BMP6: variants seen among roughly 807,000 people sequenced by gnomAD.
BMP6 encodes the protein VG-1-R.
In BMP6, 17 loss-of-function variants were observed where a neutral mutation model predicts 54.1. That is an observed-to-expected ratio of 0.31 (90% CI 0.22 to 0.47). BMP6 has a LOEUF of 0.47. BMP6 is among the 20% of genes least tolerant of loss of function. The pLI is 1.00. For synonymous variants in BMP6, 328 were observed against 291.2 expected, an observed-to-expected ratio of 1.13 and a Z score of -1.28; for missense variants, 720 against 690.4, an observed-to-expected ratio of 1.04 and a Z score of -0.48.
intron 1 of BMP6, among the ~76,000 whole-genome samples, chr6:7,837,523 C>G (rs1398077664): frequency 6.6e-6 from 1 of 152,154 alleles, no homozygotes; most frequent in African/African-American, 2.4e-5. Flanking sequence ...GACCATTATT[C>G]TAAGTGAAGT....
chr6:7,752,473 T>C (rs1431772992), intron 1 of BMP6, among the ~76,000 whole-genome samples: 1 of 152,222 alleles, frequency 6.6e-6, no homozygotes, highest in Non-Finnish European at 1.5e-5. Context: ...ATCAAAGTTT[T>C]TAAAGTCCTA....
chr6:7,830,429 G>A (rs1049950774), intron 1 of BMP6, among the ~76,000 whole-genome samples: 2 of 152,116 alleles, frequency 1.3e-5, no homozygotes, highest in Non-Finnish European at 2.9e-5. Flanking sequence ...CTGCTCAGAG[G>A]TCCTACATAG....
At chr6:7,858,228 A>G (rs2113272562) in intron 2 of BMP6, among the ~76,000 whole-genome samples, 1 of 152,230 alleles carries the variant, frequency 6.6e-6, no homozygotes, top group Non-Finnish European at 1.5e-5. Flanking sequence ...GGACTACAGG[A>G]GTACACTATC....
At chr6:7,791,429 G>T (rs1758105381) in intron 1 of BMP6, among the ~76,000 whole-genome samples, 1 of 152,024 alleles carries the variant, frequency 6.6e-6, no homozygotes, top group Non-Finnish European at 1.5e-5. Flanking sequence ...CCCTATCTCT[G>T]TCTGTCACCT....
At chr6:7,876,136 G>T (rs1456029584) in intron 4 of BMP6, among the ~76,000 whole-genome samples, 1 of 152,182 alleles carries the variant, frequency 6.6e-6, no homozygotes, top group East Asian at 1.9e-4. Context: ...GGTAGCAAAA[G>T]CAGTAAATAT....
intron 1 of BMP6, among the ~76,000 whole-genome samples, chr6:7,769,735 A>G (rs1478551502): frequency 1.4e-5 from 1 of 73,302 alleles, no homozygotes. Flanking sequence ...TTTAAAAGTC[A>G]AACGACAATC....
intron 1 of BMP6, among the ~76,000 whole-genome samples, chr6:7,843,552 T>C (rs975365048): frequency 4.6e-5 from 7 of 152,070 alleles, no homozygotes; most frequent in Non-Finnish European, 1.0e-4. Flanking sequence ...TAATTTGATA[T>C]TTTTTCTACC....
chr6:7,734,300 G>A (rs531400658), intron 1 of BMP6, among the ~76,000 whole-genome samples: 10 of 152,298 alleles, frequency 6.6e-5, no homozygotes, highest in Non-Finnish European at 1.2e-4. Context: ...AAAAGTTCTC[G>A]CATATCATCT....
chr6:7,830,617 A>G (rs1758778796), intron 1 of BMP6, among the ~76,000 whole-genome samples: 1 of 152,238 alleles, frequency 6.6e-6, no homozygotes, highest in Admixed American at 6.5e-5. Context: ...CCAAGGCTGG[A>G]TAATTTACAA....
chr6:7,736,292 T>TG (rs890303893), intron 1 of BMP6, among the ~76,000 whole-genome samples: 6 of 152,180 alleles, frequency 3.9e-5, no homozygotes, highest in Admixed American at 2.6e-4. Context: ...AGGCAGGATT[T>TG]GGGGGAGTAA....
chr6:7,737,813 C>T (rs1390885506), intron 1 of BMP6, among the ~76,000 whole-genome samples: 1 of 152,174 alleles, frequency 6.6e-6, no homozygotes, highest in Non-Finnish European at 1.5e-5. Context: ...GACTCATTTT[C>T]ACCCACTGCA....
At chr6:7,857,781 T>A (rs1759270694) in intron 2 of BMP6, among the ~76,000 whole-genome samples, 1 of 152,224 alleles carries the variant, frequency 6.6e-6, no homozygotes, top group East Asian at 1.9e-4. Context: ...GTTTTAGTGA[T>A]TTGTCATCAA....
chr6:7,878,566 C>G (rs1050323899), intron 4 of BMP6, among the ~76,000 whole-genome samples: 4 of 152,234 alleles, frequency 2.6e-5, no homozygotes, highest in Admixed American at 2.6e-4. Context: ...TCCCTCTCCC[C>G]CGTTCCTGGG....
At chr6:7,796,650 T>C (rs566741136) in intron 1 of BMP6, among the ~76,000 whole-genome samples, 7 of 152,320 alleles carry the variant, frequency 4.6e-5, no homozygotes, top group African/African-American at 1.4e-4. Flanking sequence ...TGAAGAAGTT[T>C]CTATTTTGCC....
intron 1 of BMP6, among the ~76,000 whole-genome samples, chr6:7,823,176 C>T (rs912700786): frequency 1.3e-5 from 2 of 152,272 alleles, no homozygotes; most frequent in Middle Eastern, 6.8e-3. Context: ...CTGAGCATCT[C>T]CTGCAGATGA....
intron 2 of BMP6, among the ~76,000 whole-genome samples, chr6:7,845,897 G>T (rs1205136872): frequency 6.6e-6 from 1 of 152,072 alleles, no homozygotes; most frequent in Non-Finnish European, 1.5e-5. Flanking sequence ...CAAAAGAACT[G>T]CAGTGAAGCA....
intron 1 of BMP6, among the ~76,000 whole-genome samples, chr6:7,823,249 C>T (rs1048901806): frequency 2.0e-5 from 3 of 152,156 alleles, no homozygotes; most frequent in Admixed American, 2.0e-4. Context: ...ACAAATTACA[C>T]CTTCCACTTA....
At chr6:7,856,595 A>ATTTTTTTTTGTTTTTTTTTTTTTT (rs1759237217) in intron 2 of BMP6, among the ~76,000 whole-genome samples, 1 of 83,116 alleles carries the variant, frequency 1.2e-5, no homozygotes, top group African/African-American at 5.2e-5. Context: ...TATCAAGAGC[A>ATTTTTTTTTGTTTTTTTTTTTTTT]TTTTTTTTTT....
intron 1 of BMP6, among the ~76,000 whole-genome samples, chr6:7,821,130 C>T (rs1215867313): frequency 6.6e-6 from 1 of 152,216 alleles, no homozygotes; most frequent in Non-Finnish European, 1.5e-5. Flanking sequence ...CTCCAGTGGT[C>T]CCTTTCTTCC....
Sources: gnomAD v4.1 joint callset for allele counts (sites outside exome capture counted in the v4.1 genomes callset) on GRCh38, gnomAD v4.1.1 for gene constraint, MANE v1.5 for transcripts, NCBI Gene and HGNC (gene_info 2026-07-23, HGNC 2026-07-21) for gene names.